AHRR: variants seen among roughly 807,000 people sequenced by gnomAD.
AHRR encodes aryl hydrocarbon receptor repressor.
A neutral mutation model predicts 44.0 loss-of-function variants in AHRR; 28 were observed. That is an observed-to-expected ratio of 0.64 (90% CI 0.47 to 0.87). The LOEUF (loss-of-function observed/expected upper bound fraction) is 0.87, where lower values mean the gene tolerates loss of function less well. AHRR is among the 40% of genes least tolerant of loss of function. AHRR has a pLI of 0.00. For missense variants in AHRR, 990 were observed against 953.9 expected (o/e 1.04, Z -0.50); for synonymous variants, 434 against 407.0 (o/e 1.07, Z -0.80).
chr5:414,204 A>C (rs567522049), intron 5 of AHRR, among the ~76,000 whole-genome samples: 5 of 152,260 alleles, frequency 3.3e-5, no homozygotes, highest in Admixed American at 6.5e-5. Flanking sequence ...TGTAGGTTGC[A>C]GTGAGGTGAG....
At chr5:368,051 T>A in intron 3 of AHRR, 1 of 635,718 alleles carries the variant, frequency 1.6e-6, no homozygotes, top group Non-Finnish European at 2.9e-6. Context: ...GTGTTAGTTG[T>A]AAATTCATGG....
intron 4 of AHRR, 136 bp from the exon 5 acceptor site, chr5:413,208 T>G (rs2126512114): frequency 1.8e-6 from 1 of 541,582 alleles, no homozygotes; most frequent in East Asian, 3.1e-5. Flanking sequence ...AAATAAAAAG[T>G]GGGCATTTCT....
At chr5:351,935 C>A (rs770670323) in intron 2 of AHRR, among the ~76,000 whole-genome samples, 41 of 152,202 alleles carry the variant, frequency 2.7e-4, no homozygotes, top group Admixed American at 1.3e-4. Context: ...TAAGGAACTT[C>A]TTGACAAAAG....
chr5:380,139 G>A (rs376393117), intron 4 of AHRR, among the ~76,000 whole-genome samples: 1 of 152,128 alleles, frequency 6.6e-6, no homozygotes, highest in Non-Finnish European at 1.5e-5. Flanking sequence ...TCAATTGGCT[G>A]TATTTTTGTG....
intron 7 of AHRR, 141 bp from the exon 8 acceptor site, chr5:427,666 G>C (rs1383845333): frequency 6.2e-7 from 1 of 1,613,276 alleles, no homozygotes; most frequent in Non-Finnish European, 8.5e-7. Context: ...GGCAGCTGCG[G>C]CTCTGCTGTC....
chr5:412,561 A>G (rs1735506568), intron 4 of AHRR, among the ~76,000 whole-genome samples: 1 of 152,204 alleles, frequency 6.6e-6, no homozygotes, highest in African/African-American at 2.4e-5. Context: ...ATTCCAAGGC[A>G]TATTAAAAAG....
Position 400,339 on chromosome 5 carries a change from G to T in AHRR, c.352-13005G>T, listed in dbSNP as rs762010849. On this transcript the variant is annotated intron_variant, in intron 4 of 10. Coordinates refer to ENST00000684583, the MANE Select transcript of AHRR (RefSeq NM_001377236.1). ...TCAGAACGTTTGCCCCATTCCCTGC[G>T]GTCCCTGGGGGAGAGCGTGGCTCCA... is the stretch of plus-strand genomic sequence containing the variant. Among the ~76,000 whole-genome samples the T allele has an allele frequency of 3.9e-5, 6 of 152,098 alleles. No individual in the cohort carries two copies. The South Asian group carries it at 8.3e-4, about 21-fold the overall frequency.
intron 2 of AHRR, among the ~76,000 whole-genome samples, chr5:353,210 A>G (rs894442263): frequency 1.3e-5 from 2 of 152,170 alleles, no homozygotes; most frequent in African/African-American, 2.4e-5. Context: ...CAGCATGTAC[A>G]GGAGAAACCA....
intron 2 of AHRR, 139 bp downstream of exon 2, chr5:344,103 C>T (rs6887387): frequency 0.56 from 479,714 of 859,742 alleles, 135,475 homozygotes; most frequent in African/African-American, 0.62. Context: ...GGCTGAGCTC[C>T]GGCGCGGGCG....
chr5:424,070 G>A (rs1736264587), intron 7 of AHRR, 93 bp downstream of exon 7: 3 of 1,514,864 alleles, frequency 2.0e-6, no homozygotes, highest in Admixed American at 1.9e-5. Context: ...GGGGGTGGGG[G>A]CGTTAAACCA....
At chr5:335,585 T>C (rs1742092631) in intron 1 of AHRR, among the ~76,000 whole-genome samples, 1 of 152,186 alleles carries the variant, frequency 6.6e-6, no homozygotes, top group African/African-American at 2.4e-5. Flanking sequence ...GCACCAACTG[T>C]GACAGGTGCC....
chr5:434,830 C>T lies in AHRR; in HGVS notation c.2090C>T (p.Pro697Leu). Residue 697 changes from proline to leucine, a missense_variant, in exon 11 of 11, where the codon CCA becomes CTA. Physicochemically the swap from Pro to Leu is moderately conservative, Grantham distance 98. Transcript: ENST00000684583. ...CAAGCTTCGGGGTGCACATTCCTGC[C>T]ATAGCGCAGTGACCACCATCCAAGC... is the stretch of plus-strand genomic sequence containing the variant. ...PPQASGCTFLP is the reference protein window; with the variant it reads ...PPQASGCTFLL 6.5e-7 allele frequency: 1 copy of T among 1,544,484 alleles called. No individual in the cohort carries two copies. Among genetic ancestry groups the T allele is most frequent in the African/African-American group, 1.4e-5 (1 of 73,306 alleles).
Position 388,567 on chromosome 5 carries a change from G to A in AHRR, c.351+11851G>A, listed in dbSNP as rs1045938324. On this transcript the variant is annotated intron_variant, in intron 4 of 10. Transcript: ENST00000684583. The surrounding 1 kb of genome is among the most constrained non-coding windows in gnomAD (Gnocchi z 5.2). ...GTCTCTTCCAAACCAGGGCGTCTGC[G>A]GTGGCCCTGAGCCGAGGCTGCTTCA... is the stretch of plus-strand genomic sequence containing the variant. Among the ~76,000 whole-genome samples, 7 of 152,214 alleles carry A rather than the reference G, an allele frequency of 4.6e-5. No individual in the cohort carries two copies. The highest frequency in any genetic ancestry group is 1.2e-4 in the African/African-American group (5 of 41,452).
rs980609625 is a variant in AHRR, at chr5:419,538, T to C, written c.442-3191T>C. On this transcript the variant is annotated intron_variant, in intron 5 of 10. Transcript: ENST00000684583. This position sits in a 1 kb window ranked among gnomAD's most constrained non-coding sequence, Gnocchi z 4.4. ...GATGGCAGCAAGTGTAAGGGGAATG[T>C]TGCTTGCCTCTGGATGCTGGTTCCT... Among the ~76,000 whole-genome samples, 1 of 152,180 alleles carries C rather than the reference T, an allele frequency of 6.6e-6. No homozygotes were observed. The highest frequency in any genetic ancestry group is 6.5e-5 in the Admixed American group (1 of 15,284).
chr5:425,654 T>C lies in AHRR; in HGVS notation c.708+1677T>C, dbSNP rs190497066. ...CTCTTATTTCTAGGTGACCCAAAAT[T>C]GGAAGGATTTTACTGTGCAGCCACT... On this transcript the variant is annotated intron_variant, in intron 7 of 10. Coordinates refer to ENST00000684583, the MANE Select transcript of AHRR (RefSeq NM_001377236.1). Among the ~76,000 whole-genome samples the C allele has an allele frequency of 7.0e-4, 106 of 152,356 alleles. 1 individual carries two copies. Among genetic ancestry groups the C allele is most frequent in the Admixed American group, 3.6e-3 (55 of 15,302 alleles).
chr5:391,515 G>T (rs1372471147), intron 4 of AHRR, among the ~76,000 whole-genome samples: 2 of 70,544 alleles, frequency 2.8e-5, no homozygotes, highest in South Asian at 7.8e-4. Flanking sequence ...GGGCCAGAGC[G>T]TGCATGGGGG....
At chr5:353,518 C>T (rs1339441320) in intron 2 of AHRR, among the ~76,000 whole-genome samples, 1 of 152,200 alleles carries the variant, frequency 6.6e-6, no homozygotes, top group Non-Finnish European at 1.5e-5. Flanking sequence ...TCTACATCCC[C>T]TCCAGATACT....
intron 4 of AHRR, among the ~76,000 whole-genome samples, chr5:402,746 C>G (rs1380532385): frequency 6.6e-6 from 1 of 151,970 alleles, no homozygotes; most frequent in Non-Finnish European, 1.5e-5. Flanking sequence ...CCCAAAGGAG[C>G]TGAAACCAGA....
chr5:376,816 T>C (rs1733723187), intron 4 of AHRR, 100 bp downstream of exon 4: 2 of 1,075,066 alleles, frequency 1.9e-6, no homozygotes, highest in Non-Finnish European at 1.4e-6. Flanking sequence ...GTTCAGGCCC[T>C]CACCCAGGAG....
Sources: allele counts gnomAD v4.1 joint callset (sites outside exome capture counted in the v4.1 genomes callset), GRCh38; gene constraint gnomAD v4.1.1; non-coding constraint Gnocchi (gnomAD v3.1); transcripts MANE v1.5; gene names NCBI Gene and HGNC (gene_info 2026-07-23, HGNC 2026-07-21).